IMMP2L: variants seen among roughly 807,000 people sequenced by gnomAD.
IMMP2L encodes the protein mitochondrial inner membrane protease subunit 2.
In IMMP2L, 18 loss-of-function variants were observed where a neutral mutation model predicts 19.3. The ratio of observed to expected loss-of-function variants is 0.93; its 90% CI spans 0.64 to 1.38. The LOEUF (loss-of-function observed/expected upper bound fraction) is 1.38. IMMP2L is among the 40% of genes most tolerant of loss of function. IMMP2L has a pLI of 0.00. For missense variants in IMMP2L, 233 were observed against 218.2 expected, an observed-to-expected ratio of 1.07 and a Z score of -0.43; for synonymous variants, 76 against 73.0, an observed-to-expected ratio of 1.04 and a Z score of -0.21.
At chr7:111,332,203 T>A (rs947638947) in intron 3 of IMMP2L, among the ~76,000 whole-genome samples, 2 of 151,552 alleles carry the variant, frequency 1.3e-5, no homozygotes, top group African/African-American at 4.8e-5. Flanking sequence ...AAACACATCA[T>A]CTAGACCAAA....
intron 3 of IMMP2L, among the ~76,000 whole-genome samples, chr7:110,989,301 C>A (rs371684223): frequency 6.6e-6 from 1 of 151,898 alleles, no homozygotes; most frequent in African/African-American, 2.4e-5. Context: ...TTTTAGGAGA[C>A]CGAAGTGGGA....
intron 2 of IMMP2L, among the ~76,000 whole-genome samples, chr7:111,505,659 T>C (rs1472103848): frequency 6.6e-6 from 1 of 152,126 alleles, no homozygotes; most frequent in African/African-American, 2.4e-5. Flanking sequence ...GATGAGTTCA[T>C]GTCCTTTGTA....
intron 3 of IMMP2L, among the ~76,000 whole-genome samples, chr7:111,121,847 A>G (rs562707822): frequency 1.1e-4 from 16 of 152,176 alleles, no homozygotes; most frequent in Admixed American, 2.6e-4. Context: ...AACAATGATA[A>G]ACTGGATTAA....
intron 5 of IMMP2L, among the ~76,000 whole-genome samples, chr7:110,872,819 T>C (rs954510244): frequency 2.0e-5 from 3 of 152,204 alleles, no homozygotes; most frequent in African/African-American, 7.2e-5. Context: ...CTGTCCCATG[T>C]CTGAAACTGA....
At chr7:110,756,934 G>A (rs970846895) in intron 5 of IMMP2L, among the ~76,000 whole-genome samples, 7 of 152,132 alleles carry the variant, frequency 4.6e-5, no homozygotes, top group Admixed American at 2.6e-4. Context: ...CATTTTTTAA[G>A]AGAATGGTTT....
intron 4 of IMMP2L, among the ~76,000 whole-genome samples, chr7:110,936,820 CTAGA>C (rs1816167507): frequency 1.3e-5 from 2 of 152,112 alleles, no homozygotes; most frequent in African/African-American, 4.8e-5. Flanking sequence ...CAATGATAGA[CTAGA>C]TAAAGAAAAT....
At chr7:110,806,962 A>C (rs2131248854) in intron 5 of IMMP2L, among the ~76,000 whole-genome samples, 1 of 152,100 alleles carries the variant, frequency 6.6e-6, no homozygotes, top group South Asian at 2.1e-4. Context: ...GGATAGGTGT[A>C]AATCCTTTAA....
At chr7:111,292,152 A>G (rs1487036900) in intron 3 of IMMP2L, among the ~76,000 whole-genome samples, 3 of 152,160 alleles carry the variant, frequency 2.0e-5, no homozygotes, top group African/African-American at 2.4e-5. Context: ...CTCTGTGTCT[A>G]TGATTTCACT....
chr7:110,812,971 T>C (rs558200885), intron 5 of IMMP2L, among the ~76,000 whole-genome samples: 1 of 152,182 alleles, frequency 6.6e-6, no homozygotes, highest in South Asian at 2.1e-4. Context: ...TACTGCATTT[T>C]TTATGGCAAC....
intron 3 of IMMP2L, among the ~76,000 whole-genome samples, chr7:110,988,299 A>T (rs1822067829): frequency 6.6e-6 from 1 of 152,328 alleles, no homozygotes; most frequent in South Asian, 2.1e-4. Context: ...TCCATCATCA[A>T]CACACAGCTT....
intron 3 of IMMP2L, among the ~76,000 whole-genome samples, chr7:111,147,580 T>C (rs1373870968): frequency 1.3e-5 from 2 of 152,142 alleles, no homozygotes; most frequent in Non-Finnish European, 2.9e-5. Context: ...ACATAGCTCC[T>C]TTCTCCTCTC....
At chr7:110,714,841 T>A (rs1795135542) in intron 5 of IMMP2L, among the ~76,000 whole-genome samples, 1 of 152,194 alleles carries the variant, frequency 6.6e-6, no homozygotes, top group Non-Finnish European at 1.5e-5. Flanking sequence ...GTGATCTGCC[T>A]GCCTCAGCCT....
chr7:111,175,658 T>C (rs972216222), intron 3 of IMMP2L, among the ~76,000 whole-genome samples: 5 of 151,676 alleles, frequency 3.3e-5, no homozygotes. Flanking sequence ...ATCTAAGACC[T>C]CAATCTATGA....
intron 3 of IMMP2L, among the ~76,000 whole-genome samples, chr7:111,198,276 A>T (rs1371601075): frequency 6.6e-6 from 1 of 152,200 alleles, no homozygotes; most frequent in African/African-American, 2.4e-5. Context: ...ATGGCTCCAG[A>T]TCTGCCCTTA....
chr7:111,500,428 T>C (rs977418222), intron 2 of IMMP2L, among the ~76,000 whole-genome samples: 6 of 152,118 alleles, frequency 3.9e-5, no homozygotes, highest in Non-Finnish European at 7.4e-5. Context: ...CAGACTTAAA[T>C]GTCCCTGTCT....
chr7:111,251,192 A>C (rs1465312358), intron 3 of IMMP2L, among the ~76,000 whole-genome samples: 1 of 152,208 alleles, frequency 6.6e-6, no homozygotes, highest in Non-Finnish European at 1.5e-5. Flanking sequence ...TCAAAATCAC[A>C]ATGAGATACC....
At chr7:111,236,848 A>C (rs965850474) in intron 3 of IMMP2L, among the ~76,000 whole-genome samples, 16 of 152,086 alleles carry the variant, frequency 1.1e-4, no homozygotes, top group African/African-American at 3.9e-4. Context: ...GCCATTCTTA[A>C]AGGATCACTG....
chr7:110,815,356 G>C (rs1802402870), intron 5 of IMMP2L, among the ~76,000 whole-genome samples: 1 of 151,944 alleles, frequency 6.6e-6, no homozygotes, highest in African/African-American at 2.4e-5. Context: ...TGTGCTGCTG[G>C]ATTCGGTTTG....
chr7:111,452,473 A>AT (rs1215952305), intron 3 of IMMP2L, among the ~76,000 whole-genome samples: 1 of 152,138 alleles, frequency 6.6e-6, no homozygotes, highest in Non-Finnish European at 1.5e-5. Context: ...ATTTCCAATA[A>AT]ATTATATATC....
Sources: gnomAD v4.1 joint callset for allele counts (sites outside exome capture counted in the v4.1 genomes callset) on GRCh38, gnomAD v4.1.1 for gene constraint, MANE v1.5 for transcripts, NCBI Gene and HGNC (gene_info 2026-07-23, HGNC 2026-07-21) for gene names.